Variants in PDSS2 observed in about 807,000 individuals in gnomAD.
PDSS2 encodes the protein all trans-polyprenyl-diphosphate synthase PDSS2.
In PDSS2, 31 loss-of-function variants were observed where a neutral mutation model predicts 44.5. That is an observed-to-expected ratio of 0.70 (90% CI 0.52 to 0.94). The LOEUF (loss-of-function observed/expected upper bound fraction) is 0.94. Among genes scored for constraint, PDSS2 ranks in the 40% least tolerant of loss-of-function variants. The probability of loss-of-function intolerance (pLI) is 0.00; values close to 1 mark genes in which losing one functional copy is unlikely to be tolerated. For missense variants in PDSS2, 452 were observed against 482.2 expected (o/e 0.94, Z 0.59); for synonymous variants, 157 against 180.3 (o/e 0.87, Z 1.03).
At chr6:107,371,648 C>G (rs7750226) in intron 1 of PDSS2, among the ~76,000 whole-genome samples, 45,264 of 152,016 alleles carry the variant, frequency 0.3, 7,492 homozygotes, top group East Asian at 0.59. Context: ...ACAACTATAA[C>G]ATTAGTAAGA....
chr6:107,387,271 T>C (rs978981627), intron 1 of PDSS2, among the ~76,000 whole-genome samples: 3 of 152,208 alleles, frequency 2.0e-5, no homozygotes, highest in Non-Finnish European at 4.4e-5. Flanking sequence ...GGTGCACCTG[T>C]AGCCTCTGAC....
intron 3 of PDSS2, among the ~76,000 whole-genome samples, chr6:107,246,227 T>G (rs2114807794): frequency 6.6e-6 from 1 of 152,158 alleles, no homozygotes; most frequent in East Asian, 1.9e-4. Context: ...ACTTTTTTTT[T>G]TTGTTAAATC....
At chr6:107,387,979 TTCAA>T (rs761211242) in intron 1 of PDSS2, among the ~76,000 whole-genome samples, 5 of 152,322 alleles carry the variant, frequency 3.3e-5, no homozygotes, top group South Asian at 2.1e-4. Flanking sequence ...CTCAATCCTA[TTCAA>T]TCAATTACAT....
intron 1 of PDSS2, among the ~76,000 whole-genome samples, chr6:107,380,980 G>A (rs901059512): frequency 6.6e-6 from 1 of 152,068 alleles, no homozygotes; most frequent in Non-Finnish European, 1.5e-5. Flanking sequence ...GAAGTAAAAG[G>A]AAACTATAAA....
rs72941734 is a variant in PDSS2, at chr6:107,406,865, G to A, written c.296+52125C>T. Among the ~76,000 whole-genome samples the A allele has an allele frequency of 2.7e-3, 406 of 152,332 alleles. No individual in the cohort carries two copies. In the Middle Eastern group the frequency reaches 0.037, roughly 14 times the overall value. Reference sequence around the variant, plus strand: ...TAAACAGCTTCACTAATGTTTAAAGGAAGCAGAATTGCTTTGGGTTCACAG... The same window carrying A: ...TAAACAGCTTCACTAATGTTTAAAGAAAGCAGAATTGCTTTGGGTTCACAG... On this transcript the variant is annotated intron_variant, in intron 1 of 7. Coordinates refer to ENST00000369037, the MANE Select transcript of PDSS2 (RefSeq NM_020381.4).
At chr6:107,255,632 T>C (rs368153111) in intron 3 of PDSS2, among the ~76,000 whole-genome samples, 4 of 151,520 alleles carry the variant, frequency 2.6e-5, no homozygotes, top group South Asian at 2.1e-4. Context: ...AAAGTATTGA[T>C]AGTGATTCAC....
intron 2 of PDSS2, among the ~76,000 whole-genome samples, chr6:107,323,688 TA>T (rs930102328): frequency 6.6e-6 from 1 of 152,186 alleles, no homozygotes; most frequent in African/African-American, 2.4e-5. Context: ...ATTAATATTT[TA>T]AGTGATTTGC....
rs1200698855 is a variant in PDSS2, at chr6:107,210,989, G to A, written c.877-419C>T. 6.5e-5 allele frequency among the ~76,000 whole-genome samples: 9 copies of A among 138,076 alleles called. No homozygotes were observed. In the South Asian group the frequency reaches 9.6e-4, roughly 15 times the overall value. The allele number at this position is 138,076 out of a possible 152,430, so 90.6% of individuals were successfully genotyped here. On this transcript the variant is annotated intron_variant, in intron 5 of 7. Transcript: ENST00000369037. ...CCCCTCTGGGCGAGAGCAAAACTCCGTCTCAAAAAAAAAAAAAAAAATTTC... is the reference window on the plus strand; with the variant it reads ...CCCCTCTGGGCGAGAGCAAAACTCCATCTCAAAAAAAAAAAAAAAAATTTC...
chr6:107,227,419 G>C (rs1773871898), intron 4 of PDSS2, among the ~76,000 whole-genome samples: 2 of 151,208 alleles, frequency 1.3e-5, no homozygotes, highest in African/African-American at 4.9e-5. Flanking sequence ...CTCCTGAGTA[G>C]CTGGGATTAC....
At chr6:107,245,444 A>G in intron 4 of PDSS2, 104 bp downstream of exon 4, 1 of 394,864 alleles carries the variant, frequency 2.5e-6, no homozygotes, top group African/African-American at 2.2e-5. Context: ...AAAAAAAAAA[A>G]AGCCATGTAC....
At chr6:107,307,568 A>G (rs941212726) in intron 2 of PDSS2, among the ~76,000 whole-genome samples, 1 of 149,482 alleles carries the variant, frequency 6.7e-6, no homozygotes, top group South Asian at 2.1e-4. Context: ...GGCTGTCTAT[A>G]TTATTGTACT....
At chr6:107,250,185 C>CA (rs200912977) in intron 3 of PDSS2, among the ~76,000 whole-genome samples, 2 of 151,316 alleles carry the variant, frequency 1.3e-5, no homozygotes, top group African/African-American at 4.9e-5. Flanking sequence ...TACTGACCCC[C>CA]CCCCGCAAAA....
Position 107,396,678 on chromosome 6 carries a change from C to CTTTTTT in PDSS2, c.296+62306_296+62311dup, listed in dbSNP as rs950671310. Among the ~76,000 whole-genome samples, 32 of 79,350 alleles carry CTTTTTT rather than the reference C, an allele frequency of 4.0e-4. 1 individual carries two copies. Among genetic ancestry groups the CTTTTTT allele is most frequent in the African/African-American group, 7.5e-4 (17 of 22,530 alleles). 52.1% of individuals were successfully genotyped at this position (79,350 alleles called of 152,430 possible). ...CTTTCTTTTTTTCCTCTTCTTTTTTCTTTTTTTTTTTTTTTTTTTTTTGAG... is the reference window on the plus strand; with the variant it reads ...CTTTCTTTTTTTCCTCTTCTTTTTTCTTTTTTTTTTTTTTTTTTTTTTTTTTTTGAG... On this transcript the variant is annotated intron_variant, in intron 1 of 7. Coordinates refer to ENST00000369037, the MANE Select transcript of PDSS2 (RefSeq NM_020381.4).
intron 4 of PDSS2, among the ~76,000 whole-genome samples, chr6:107,220,442 A>T (rs1773563591): frequency 6.6e-6 from 1 of 152,112 alleles, no homozygotes; most frequent in Non-Finnish European, 1.5e-5. Flanking sequence ...AGATATGAAG[A>T]TTAATAAACA....
intron 2 of PDSS2, among the ~76,000 whole-genome samples, chr6:107,305,691 A>C (rs903844148): frequency 6.6e-6 from 1 of 152,170 alleles, no homozygotes; most frequent in Non-Finnish European, 1.5e-5. Context: ...AATTATTTAG[A>C]GGTGTGGACA....
chr6:107,207,983 T>TG (rs1773050815), intron 6 of PDSS2, among the ~76,000 whole-genome samples: 3 of 143,376 alleles, frequency 2.1e-5, no homozygotes, highest in African/African-American at 5.1e-5. Flanking sequence ...GACTTGTTTT[T>TG]TTTTTTTTTT....
At chr6:107,363,701 A>C (rs1383916767) in intron 1 of PDSS2, among the ~76,000 whole-genome samples, 12 of 152,156 alleles carry the variant, frequency 7.9e-5, no homozygotes, top group Non-Finnish European at 1.6e-4. Flanking sequence ...GCCTGCTTTT[A>C]TTCTCTTATC....
intron 1 of PDSS2, among the ~76,000 whole-genome samples, chr6:107,396,812 C>T (rs1779963246): frequency 6.6e-6 from 1 of 151,620 alleles, no homozygotes; most frequent in South Asian, 2.1e-4. Flanking sequence ...CCTCAGCCTC[C>T]TGAGTAGCTA....
chr6:107,299,833 C>T (rs1776635578), intron 2 of PDSS2, among the ~76,000 whole-genome samples: 1 of 152,160 alleles, frequency 6.6e-6, no homozygotes, highest in Non-Finnish European at 1.5e-5. Context: ...GGGCTTGGAG[C>T]CACTGTCTGT....
Sources: gnomAD v4.1 joint callset for allele counts (sites outside exome capture counted in the v4.1 genomes callset) on GRCh38, gnomAD v4.1.1 for gene constraint, MANE v1.5 for transcripts, NCBI Gene and HGNC (gene_info 2026-07-23, HGNC 2026-07-21) for gene names.